The following TNRC6B variants were observed in gnomAD, a reference collection of about 807,000 sequenced individuals.
TNRC6B encodes the protein trinucleotide repeat-containing gene 6B protein.
TNRC6B carries 52 observed loss-of-function variants against 203.6 expected under a neutral mutation model. The observed-to-expected ratio is 0.26, with a 90% confidence interval of 0.20 to 0.32. The LOEUF (loss-of-function observed/expected upper bound fraction) is 0.32. Ranked by LOEUF, TNRC6B falls within the 10% of genes least tolerant of loss-of-function variation. The probability of loss-of-function intolerance (pLI) is 1.00; values close to 1 mark genes in which losing one functional copy is unlikely to be tolerated. For missense variants in TNRC6B, 1,923 were observed against 2,286.2 expected (o/e 0.84, Z 3.24); for synonymous variants, 838 against 845.7 (o/e 0.99, Z 0.16).
At chr22:40,248,984 ATCACC>A (rs1248231004) in intron 2 of TNRC6B, among the ~76,000 whole-genome samples, 1 of 152,246 alleles carries the variant, frequency 6.6e-6, no homozygotes, top group East Asian at 1.9e-4. Context: ...TTGTAGAGAC[ATCACC>A]TCAGCTAGGA....
intron 1 of TNRC6B, among the ~76,000 whole-genome samples, chr22:40,062,328 G>A (rs2067860236): frequency 6.6e-6 from 1 of 152,040 alleles, no homozygotes; most frequent in Non-Finnish European, 1.5e-5. Context: ...AGCCTCCTGA[G>A]TAGCTGGGAT....
chr22:40,261,424 A>G (rs2070379979), intron 3 of TNRC6B, among the ~76,000 whole-genome samples: 1 of 152,094 alleles, frequency 6.6e-6, no homozygotes, highest in South Asian at 2.1e-4. Context: ...TAAAAATACA[A>G]AAAATTAGCT....
chr22:40,316,616 A>G (rs776122505), intron 21 of TNRC6B, among the ~76,000 whole-genome samples: 4 of 152,172 alleles, frequency 2.6e-5, no homozygotes, highest in Non-Finnish European at 5.9e-5. Context: ...CAATAGTGCA[A>G]GACCCTTTCT....
In TNRC6B at chr22:40,323,156, C is replaced by T. The variant is rs772537795; in HGVS notation, c.5417C>T (p.Pro1806Leu). The change falls in exon 23 of 23, where the codon CCA becomes CTA. Residue 1806 changes from proline to leucine, a missense_variant. Transcript: ENST00000454349. ...PNYSSSLWGVPTVEDPHRMGS... is the reference protein window; with the variant it reads ...PNYSSSLWGVLTVEDPHRMGS... ...TATTCTTCTAGCTTATGGGGAGTCC[C>T]AACGGTGGAAGATCCCCATAGGATG... 6.2e-7 allele frequency: 1 copy of T among 1,613,850 alleles called. No individual in the cohort carries two copies. The highest frequency in any genetic ancestry group is 8.5e-7 in the Non-Finnish European group (1 of 1,179,866).
At chr22:40,111,127 GT>G (rs896952088) in intron 1 of TNRC6B, among the ~76,000 whole-genome samples, 6 of 152,170 alleles carry the variant, frequency 3.9e-5, no homozygotes, top group African/African-American at 1.4e-4. Context: ...CACAGAACAG[GT>G]TTCCCTAAGC....
chr22:40,262,824 G>A lies in TNRC6B; in HGVS notation c.457+651G>A, dbSNP rs370581946. Among the ~76,000 whole-genome samples, 62 of 152,230 alleles carry A rather than the reference G, an allele frequency of 4.1e-4. 2 individuals carry two copies. The East Asian group carries it at 0.011, about 27-fold the overall frequency. On this transcript the variant is annotated intron_variant, in intron 4 of 22. Coordinates refer to ENST00000454349, the MANE Select transcript of TNRC6B (RefSeq NM_001162501.2). ...GGAGGCCGAGGCGGGTGGATCACCA[G>A]GTCAGGAGATCGAGACCACCCTGGC...
At position 40,155,609 on chromosome 22, in the gene TNRC6B, G is replaced by A. The variant is rs1422723667; in HGVS notation, c.46-506G>A. Among the ~76,000 whole-genome samples the A allele has an allele frequency of 3.3e-5, 5 of 152,256 alleles. No homozygotes were observed. The East Asian group carries it at 7.7e-4, about 24-fold the overall frequency. On this transcript the variant is annotated intron_variant, in intron 3 of 23. Transcript: ENST00000301923. ...GCTGACAAAACTGCTTTTCAAAGTA[G>A]CTATACCAGTTTTCCCTCCCACTAG...
intron 15 of TNRC6B, among the ~76,000 whole-genome samples, chr22:40,302,771 G>A (rs916079226): frequency 6.6e-6 from 1 of 152,166 alleles, no homozygotes; most frequent in East Asian, 1.9e-4. Flanking sequence ...GGTGAGCAAA[G>A]ACTTCAAGGT....
intron 4 of TNRC6B, among the ~76,000 whole-genome samples, chr22:40,159,798 TA>T (rs1282301840): frequency 6.6e-6 from 1 of 152,144 alleles, no homozygotes; most frequent in Admixed American, 6.5e-5. Context: ...TAATTTGAGA[TA>T]TTTTCAGTCT....
chr22:40,311,992 GTA>G (rs2071191149), intron 17 of TNRC6B, among the ~76,000 whole-genome samples: 2 of 152,206 alleles, frequency 1.3e-5, no homozygotes, highest in African/African-American at 2.4e-5. Flanking sequence ...GAGCCCTTAT[GTA>G]TATTCTAGGC....
intron 4 of TNRC6B, chr22:40,156,220 A>C (rs931493418): frequency 2.8e-5 from 43 of 1,544,280 alleles, no homozygotes; most frequent in Middle Eastern, 1.7e-4. Context: ...CCTATTACAG[A>C]TCCTCGGAAA....
In TNRC6B at chr22:40,262,314, A is replaced by G. The variant is rs2070399472; in HGVS notation, c.457+141A>G. 8.1e-6 allele frequency: 6 copies of G among 743,608 alleles called. No homozygotes were observed. The East Asian group carries it at 1.2e-4, about 15-fold the overall frequency. 46.1% of individuals were successfully genotyped at this position (743,608 alleles called of 1,614,324 possible). ...TCAAAAGATGAGAGAGGATCCTAGT[A>G]TGCGATGTGTATTGGTGATTCTTGG... On this transcript the variant is annotated intron_variant, in intron 4 of 22. Transcript: ENST00000454349.
intron 6 of TNRC6B, 27 bp from the exon 7 acceptor site, chr22:40,273,398 A>G (rs1601478549): frequency 1.9e-6 from 3 of 1,559,138 alleles, no homozygotes; most frequent in Non-Finnish European, 1.7e-6. Context: ...AGCTGTTGCA[A>G]AGAGTTAATT....
rs1295709447 is a variant in TNRC6B, at chr22:40,262,025, G to A, written c.309G>A (p.Val103=). ...TCCGTTGCCAGCAGGACCACAAAGT[G>A]TTACTAAAACGTGGGCAGCCCCCTC... ...PRFRCQQDHK[V]LLKRGQPPPP... is the part of the protein sequence containing the mutation. Residue 103 remains valine (V), a synonymous_variant, in exon 4 of 23, where the codon GTG becomes GTA. Coordinates refer to ENST00000454349, the MANE Select transcript of TNRC6B (RefSeq NM_001162501.2). 6.2e-7 allele frequency: 1 copy of A among 1,604,784 alleles called. No homozygotes were observed. The highest frequency in any genetic ancestry group is 1.7e-5 in the Admixed American group (1 of 58,922).
At chr22:40,181,140 T>C (rs1198783302) in intron 1 of TNRC6B, among the ~76,000 whole-genome samples, 1 of 152,210 alleles carries the variant, frequency 6.6e-6, no homozygotes, top group African/African-American at 2.4e-5. Flanking sequence ...TGAATGGCCA[T>C]TTGTTATTCT....
chr22:40,253,672 T>TA (rs1347178878), intron 3 of TNRC6B: 2 of 456,468 alleles, frequency 4.4e-6, no homozygotes, highest in South Asian at 3.1e-5. Flanking sequence ...ATTTAATTGT[T>TA]AGACAGCAAG....
intron 1 of TNRC6B, among the ~76,000 whole-genome samples, chr22:40,060,508 G>A (rs1360524281): frequency 6.6e-6 from 1 of 152,130 alleles, no homozygotes; most frequent in Non-Finnish European, 1.5e-5. Context: ...ATATCTTTCT[G>A]TTATTGATTT....
At chr22:40,138,397 C>T (rs1255029263) in intron 3 of TNRC6B, among the ~76,000 whole-genome samples, 1 of 152,174 alleles carries the variant, frequency 6.6e-6, no homozygotes, top group African/African-American at 2.4e-5. Context: ...TCTTGAGTAG[C>T]TGGGATTACA....
intron 1 of TNRC6B, among the ~76,000 whole-genome samples, chr22:40,239,109 G>A (rs553930737): frequency 6.6e-6 from 1 of 152,288 alleles, no homozygotes; most frequent in African/African-American, 2.4e-5. Flanking sequence ...AGGCTGAGGC[G>A]TGAGAATCAC....
Sources: gnomAD v4.1 joint callset for allele counts (sites outside exome capture counted in the v4.1 genomes callset) on GRCh38, gnomAD v4.1.1 for gene constraint, MANE v1.5 for transcripts, NCBI Gene and HGNC (gene_info 2026-07-23, HGNC 2026-07-21) for gene names.